The following SEMA5A variants were observed in gnomAD, a reference collection of about 807,000 sequenced individuals.
SEMA5A encodes the protein semaphorin-5A.
SEMA5A carries 55 observed loss-of-function variants against 135.5 expected under a neutral mutation model. The observed-to-expected ratio is 0.41, with a 90% CI of 0.33 to 0.51. SEMA5A has a LOEUF of 0.51. Among genes scored for constraint, SEMA5A ranks in the 20% least tolerant of loss-of-function variants. SEMA5A has a pLI of 0.37. For synonymous variants in SEMA5A, 580 were observed against 546.5 expected (o/e 1.06, Z -0.85); for missense variants, 1,290 against 1,419.9 (o/e 0.91, Z 1.47).
At chr5:9,319,163 C>T (rs1752519139) in intron 4 of SEMA5A, among the ~76,000 whole-genome samples, 1 of 152,068 alleles carries the variant, frequency 6.6e-6, no homozygotes, top group Admixed American at 6.6e-5. Context: ...GTGATCACAC[C>T]ACTGCAGTTC....
At chr5:9,406,620 A>G (rs1223555450) in intron 2 of SEMA5A, among the ~76,000 whole-genome samples, 1 of 152,242 alleles carries the variant, frequency 6.6e-6, no homozygotes, top group African/African-American at 2.4e-5. Context: ...ACATTTTAAA[A>G]ATTATTCAAA....
At chr5:9,167,586 C>G (rs2150299537) in intron 11 of SEMA5A, among the ~76,000 whole-genome samples, 1 of 152,292 alleles carries the variant, frequency 6.6e-6, no homozygotes, top group African/African-American at 2.4e-5. Context: ...TATTCTGTGC[C>G]CTCTCCACCA....
At chr5:9,462,315 C>A (rs387068) in intron 1 of SEMA5A, among the ~76,000 whole-genome samples, 3,546 of 152,174 alleles carry the variant, frequency 0.023, 129 homozygotes, top group African/African-American at 0.08. Context: ...ATTAAAAAGT[C>A]AAAAAATAAC....
In SEMA5A at chr5:9,450,599, C is replaced by T. The variant is rs532260840; in HGVS notation, c.-174-12747G>A. Among the ~76,000 whole-genome samples the T allele has an allele frequency of 2.0e-4, 31 of 152,224 alleles. 1 individual carries two copies. In the South Asian group the frequency reaches 6.0e-3, roughly 30 times the overall value. Reference sequence around the variant, plus strand: ...TGCCTGTCACACCTACACCCCTCTCCACTCACCCAGCTGTCCCCTCTCCCC... The same window carrying T: ...TGCCTGTCACACCTACACCCCTCTCTACTCACCCAGCTGTCCCCTCTCCCC... On this transcript the variant is annotated intron_variant, in intron 1 of 22. Transcript: ENST00000382496.
chr5:9,270,191 G>A (rs973560964), intron 5 of SEMA5A, among the ~76,000 whole-genome samples: 4 of 152,090 alleles, frequency 2.6e-5, no homozygotes, highest in South Asian at 4.2e-4. Flanking sequence ...CACTCTCCTC[G>A]TGTTGTCACA....
At chr5:9,084,333 C>T (rs944904363) in intron 16 of SEMA5A, among the ~76,000 whole-genome samples, 5 of 152,082 alleles carry the variant, frequency 3.3e-5, no homozygotes, top group African/African-American at 1.2e-4. Flanking sequence ...GAGTGGGGCT[C>T]CTTGTTCTCC....
chr5:9,339,941 G>A (rs990233758), intron 3 of SEMA5A, among the ~76,000 whole-genome samples: 1 of 151,972 alleles, frequency 6.6e-6, no homozygotes, highest in Admixed American at 6.6e-5. Flanking sequence ...AGAAGATGTG[G>A]GATCACTGAT....
chr5:9,535,876 C>T (rs1737735479), intron 1 of SEMA5A, among the ~76,000 whole-genome samples: 1 of 152,130 alleles, frequency 6.6e-6, no homozygotes, highest in Non-Finnish European at 1.5e-5. Flanking sequence ...TCAAGAGCAC[C>T]GTCCAGTGTG....
intron 16 of SEMA5A, among the ~76,000 whole-genome samples, chr5:9,075,424 CAT>C (rs1263150483): frequency 6.6e-6 from 1 of 152,104 alleles, no homozygotes; most frequent in African/African-American, 2.4e-5. Context: ...GGAGACAACT[CAT>C]ATGGCCATCA....
intron 5 of SEMA5A, among the ~76,000 whole-genome samples, chr5:9,316,752 T>C (rs903816589): frequency 1.3e-4 from 20 of 152,178 alleles, no homozygotes; most frequent in African/African-American, 4.6e-4. Context: ...TCAAGCTAAT[T>C]AATATGCAGG....
At chr5:9,245,217 T>C (rs1022474600) in intron 5 of SEMA5A, among the ~76,000 whole-genome samples, 2 of 152,126 alleles carry the variant, frequency 1.3e-5, no homozygotes, top group Non-Finnish European at 2.9e-5. Context: ...AAAGGATCCC[T>C]TTGTCTGGAG....
chr5:9,507,753 C>G (rs1423882589), intron 1 of SEMA5A, among the ~76,000 whole-genome samples: 1 of 152,066 alleles, frequency 6.6e-6, no homozygotes, highest in Non-Finnish European at 1.5e-5. Context: ...GCCTGTAATC[C>G]CAGCACTTTG....
chr5:9,456,430 T>C (rs1758837344), intron 1 of SEMA5A, among the ~76,000 whole-genome samples: 1 of 151,894 alleles, frequency 6.6e-6, no homozygotes, highest in South Asian at 2.1e-4. Context: ...AATTAAAAAC[T>C]CTAACCTTCA....
At chr5:9,083,600 A>T (rs949067099) in intron 16 of SEMA5A, among the ~76,000 whole-genome samples, 7 of 151,318 alleles carry the variant, frequency 4.6e-5, no homozygotes, top group African/African-American at 1.7e-4. Context: ...CCATCCATCC[A>T]TCCATCCATC....
intron 11 of SEMA5A, among the ~76,000 whole-genome samples, chr5:9,181,474 G>T (rs1744504888): frequency 6.6e-6 from 1 of 152,078 alleles, no homozygotes; most frequent in Non-Finnish European, 1.5e-5. Flanking sequence ...CCAGTGGCTG[G>T]TTTTTCCTCA....
rs180832378 is a variant in SEMA5A at position 9,341,633 on chromosome 5, C to A, written c.125-3821G>T. Among the ~76,000 whole-genome samples, 13 of 146,842 alleles carry A rather than the reference C, an allele frequency of 8.9e-5. No homozygotes were observed. The Admixed American group carries it at 8.9e-4, about 10-fold the overall frequency. On this transcript the variant is annotated intron_variant, in intron 3 of 22. Coordinates refer to ENST00000382496, the MANE Select transcript of SEMA5A (RefSeq NM_003966.3). ...ATGATGAAATGGAGCTTAAATATGG[C>A]AGCCAATATGACTATATATATATAA...
intron 16 of SEMA5A, among the ~76,000 whole-genome samples, chr5:9,069,009 G>A (rs949569534): frequency 1.3e-5 from 2 of 152,188 alleles, no homozygotes; most frequent in African/African-American, 4.8e-5. Context: ...AGCTAGTTGT[G>A]ATGACGTACA....
chr5:9,233,481 T>A (rs1205771305), intron 6 of SEMA5A, among the ~76,000 whole-genome samples: 1 of 151,714 alleles, frequency 6.6e-6, no homozygotes, highest in Non-Finnish European at 1.5e-5. Context: ...TTTTCCCCCA[T>A]GGAATATTTA....
At chr5:9,222,002 C>T (rs1356833536) in intron 8 of SEMA5A, among the ~76,000 whole-genome samples, 3 of 152,116 alleles carry the variant, frequency 2.0e-5, no homozygotes, top group Non-Finnish European at 2.9e-5. Flanking sequence ...TACCACAGGA[C>T]GATTCTCACT....
Sources: gnomAD v4.1 joint callset for allele counts (sites outside exome capture counted in the v4.1 genomes callset) on GRCh38, gnomAD v4.1.1 for gene constraint, MANE v1.5 for transcripts, NCBI Gene and HGNC (gene_info 2026-07-23, HGNC 2026-07-21) for gene names.